The following TRPM3 variants were observed in gnomAD, a reference collection of about 807,000 sequenced individuals.
TRPM3 encodes long transient receptor potential channel 3.
In TRPM3, 77 loss-of-function variants were observed where a neutral mutation model predicts 181.2. The observed-to-expected ratio is 0.42, with a 90% confidence interval of 0.35 to 0.51. The LOEUF is 0.51. Among genes scored for constraint, TRPM3 ranks in the 20% least tolerant of loss-of-function variants. The pLI, the probability that TRPM3 is intolerant of heterozygous loss-of-function variation, is 0.01. For missense variants in TRPM3, 1,759 were observed against 2,196.7 expected (o/e 0.80, Z 3.98); for synonymous variants, 745 against 796.4 (o/e 0.94, Z 1.09).
chr9:70,556,630 G>A (rs901792826), intron 22 of TRPM3, among the ~76,000 whole-genome samples: 5 of 152,154 alleles, frequency 3.3e-5, no homozygotes, highest in African/African-American at 1.2e-4. Context: ...GCTGAGGCAG[G>A]AGAATTGCTT....
chr9:71,312,754 G>A (rs2088090945), intron 1 of TRPM3, among the ~76,000 whole-genome samples: 1 of 152,046 alleles, frequency 6.6e-6, no homozygotes, highest in Non-Finnish European at 1.5e-5. Flanking sequence ...AAAAACACAT[G>A]GAGAAAACTT....
intron 17 of TRPM3, among the ~76,000 whole-genome samples, chr9:70,616,639 C>T (rs1235821344): frequency 6.7e-6 from 1 of 149,710 alleles, no homozygotes; most frequent in Non-Finnish European, 1.5e-5. Flanking sequence ...GCATTTAATT[C>T]ATTTTAGGGC....
intron 1 of TRPM3, among the ~76,000 whole-genome samples, chr9:71,270,069 A>G (rs11790079): frequency 0.25 from 37,683 of 152,082 alleles, 5,146 homozygotes; most frequent in Middle Eastern, 0.45. Flanking sequence ...TTCAATATGT[A>G]GTCATGCAGT....
At chr9:70,608,871 G>GTTGT (rs1440435076) in intron 19 of TRPM3, among the ~76,000 whole-genome samples, 1 of 152,138 alleles carries the variant, frequency 6.6e-6, no homozygotes, top group Non-Finnish European at 1.5e-5. Flanking sequence ...TGATAAAATA[G>GTTGT]TTGTTAGGAT....
In TRPM3 at chr9:70,687,570, C is replaced by T. The variant is rs191519568; in HGVS notation, c.1273-5992G>A. ...TTTTGTTAAAAAAACACTTTTCCTCCGAATTCAGTTTGATGGATTATATCT... is the reference window on the plus strand; with the variant it reads ...TTTTGTTAAAAAAACACTTTTCCTCTGAATTCAGTTTGATGGATTATATCT... On this transcript the variant is annotated intron_variant, in intron 8 of 25. Transcript: ENST00000677713. Among the ~76,000 whole-genome samples, 248 of 152,242 alleles carry T rather than the reference C, an allele frequency of 1.6e-3. 1 individual carries two copies. Among genetic ancestry groups the T allele is most frequent in the Admixed American group, 4.4e-3 (68 of 15,290 alleles).
At chr9:70,791,629 T>C (rs1481739921) in intron 6 of TRPM3, among the ~76,000 whole-genome samples, 1 of 152,212 alleles carries the variant, frequency 6.6e-6, no homozygotes, top group African/African-American at 2.4e-5. Context: ...ATCTTTTATC[T>C]TGGCATGTGA....
chr9:70,806,492 A>T (rs1210623434), intron 6 of TRPM3, among the ~76,000 whole-genome samples: 3 of 152,022 alleles, frequency 2.0e-5, no homozygotes, highest in African/African-American at 7.2e-5. Context: ...GGAGTTTGAG[A>T]CCAGCCTGGC....
At chr9:70,566,259 G>A (rs187676790) in intron 22 of TRPM3, among the ~76,000 whole-genome samples, 4 of 152,228 alleles carry the variant, frequency 2.6e-5, no homozygotes, top group Admixed American at 6.5e-5. Context: ...CACTAAGAAG[G>A]CAAGATTTGA....
rs1373588954 is a variant in TRPM3 at position 71,168,601 on chromosome 9, TTTTA to T, written c.183+278048_183+278051del. Among the ~76,000 whole-genome samples, 200 of 31,218 alleles carry T rather than the reference TTTTA, an allele frequency of 6.4e-3. 7 individuals carry two copies. The highest frequency in any genetic ancestry group is 0.021 in the African/African-American group (180 of 8,662). 20.5% of individuals were successfully genotyped at this position (31,218 alleles called of 152,430 possible). On this transcript the variant is annotated intron_variant, in intron 1 of 24. Coordinates refer to the TRPM3 transcript ENST00000357533. ...TTGTTTTTTATTTTTTTATTTTTATTTTTATTTATTTTTTTATTATTATTTTTTT... is the reference window on the plus strand; with the variant it reads ...TTGTTTTTTATTTTTTTATTTTTATTTTTATTTTTTTATTATTATTTTTTT...
chr9:70,604,037 A>C (rs1295226220), intron 19 of TRPM3, among the ~76,000 whole-genome samples: 3 of 152,204 alleles, frequency 2.0e-5, no homozygotes, highest in African/African-American at 7.2e-5. Flanking sequence ...TTCCTGTCCT[A>C]ATCAAGTTAA....
At chr9:70,603,282 T>A in intron 20 of TRPM3, 60 bp downstream of exon 20, 1 of 1,571,336 alleles carries the variant, frequency 6.4e-7, no homozygotes, top group Non-Finnish European at 8.7e-7. Flanking sequence ...GTCCCCTCCA[T>A]CCACAGATAG....
chr9:70,918,079 C>T (rs1341420373), intron 1 of TRPM3, among the ~76,000 whole-genome samples: 1 of 151,964 alleles, frequency 6.6e-6, no homozygotes, highest in Non-Finnish European at 1.5e-5. Flanking sequence ...GATATCTAAC[C>T]ATTGTAAATA....
chr9:70,763,762 T>C (rs969855251), intron 7 of TRPM3, among the ~76,000 whole-genome samples: 17 of 151,920 alleles, frequency 1.1e-4, no homozygotes, highest in African/African-American at 4.1e-4. Context: ...ACCAGTGGAG[T>C]AGAAAGATGT....
At chr9:70,878,139 G>A (rs531578519) in intron 1 of TRPM3, among the ~76,000 whole-genome samples, 1 of 152,120 alleles carries the variant, frequency 6.6e-6, no homozygotes, top group Admixed American at 6.6e-5. Flanking sequence ...TGATTTGAAA[G>A]CGAATTGTTA....
chr9:71,114,601 G>C lies in TRPM3; in HGVS notation c.177+6577C>G, dbSNP rs551261534. Among the ~76,000 whole-genome samples, 14 of 152,284 alleles carry C rather than the reference G, an allele frequency of 9.2e-5. 1 individual carries two copies. In the South Asian group the frequency reaches 1.0e-3, roughly 11 times the overall value. On this transcript the variant is annotated intron_variant, in intron 1 of 25. Coordinates refer to ENST00000677713, the MANE Select transcript of TRPM3 (RefSeq NM_001366145.2). ...CCAGAATCGTTGGTTAGTTTTTGAA[G>C]GTTGTGCGGTGGAGGTGGTTGGGTT...
intron 1 of TRPM3, among the ~76,000 whole-genome samples, chr9:71,231,071 C>A (rs1239419202): frequency 6.6e-6 from 1 of 152,104 alleles, no homozygotes; most frequent in Admixed American, 6.6e-5. Flanking sequence ...CTTTGACATA[C>A]AATATACACA....
At chr9:71,441,865 T>A (rs1051058885) in intron 1 of TRPM3, among the ~76,000 whole-genome samples, 8 of 152,120 alleles carry the variant, frequency 5.3e-5, no homozygotes, top group African/African-American at 1.4e-4. Flanking sequence ...TCTCCTGACC[T>A]CGTGATCCAC....
At chr9:70,612,990 C>A (rs1170995664) in intron 18 of TRPM3, among the ~76,000 whole-genome samples, 3 of 152,154 alleles carry the variant, frequency 2.0e-5, no homozygotes, top group Non-Finnish European at 4.4e-5. Context: ...TGTCCTGGGT[C>A]TGTGGACTTG....
chr9:70,561,205 C>T (rs553131280), intron 22 of TRPM3, among the ~76,000 whole-genome samples: 13 of 152,230 alleles, frequency 8.5e-5, no homozygotes, highest in East Asian at 1.9e-4. Context: ...GAAAAGATAA[C>T]GAGACAAAGA....
Sources: allele counts gnomAD v4.1 joint callset (sites outside exome capture counted in the v4.1 genomes callset), GRCh38; gene constraint gnomAD v4.1.1; transcripts MANE v1.5; gene names NCBI Gene and HGNC (gene_info 2026-07-23, HGNC 2026-07-21).